The following BCCIP variants were observed in gnomAD, a reference collection of about 807,000 sequenced individuals.
BCCIP encodes the protein BRCA2 and CDKN1A interacting protein.
A neutral mutation model predicts 32.8 loss-of-function variants in BCCIP; 23 were observed. The observed-to-expected ratio is 0.70, with a 90% CI of 0.51 to 0.99. The LOEUF (loss-of-function observed/expected upper bound fraction) is 0.99, where lower values mean the gene tolerates loss of function less well. BCCIP is among the 50% of genes least tolerant of loss of function. The pLI, the probability that BCCIP is intolerant of heterozygous loss-of-function variation, is 0.00. For synonymous variants in BCCIP, 144 were observed against 137.6 expected (o/e 1.05, Z -0.33); for missense variants, 378 against 379.8 (o/e 1.00, Z 0.04).
At chr10:125,844,676 T>TG (rs1943989934), downstream of BCCIP, among the ~76,000 whole-genome samples, 1 of 152,232 alleles carries the variant, frequency 6.6e-6, no homozygotes, top group African/African-American at 2.4e-5. Context: ...AGAGTTTATA[T>TG]GGGGGTTCTT....
At chr10:125,843,989 A>G (rs932838346), downstream of BCCIP, among the ~76,000 whole-genome samples, 1 of 152,216 alleles carries the variant, frequency 6.6e-6, no homozygotes, top group Non-Finnish European at 1.5e-5. Flanking sequence ...AAAACTGAGC[A>G]GAAGCTTATG....
intron 7 of BCCIP, among the ~76,000 whole-genome samples, chr10:125,851,036 C>A (rs944542802): frequency 1.3e-5 from 2 of 152,186 alleles, no homozygotes; most frequent in Non-Finnish European, 2.9e-5. Context: ...AAGAAAAATA[C>A]AACTGATTTT....
At chr10:125,839,127 A>G (rs778851076), downstream of BCCIP, 33 of 1,614,238 alleles carry the variant, frequency 2.0e-5, no homozygotes, top group Non-Finnish European at 2.6e-5. Context: ...CTCGAATAAC[A>G]TCTGCCATTC....
intron 4 of BCCIP, among the ~76,000 whole-genome samples, chr10:125,830,913 T>C (rs1854507517): frequency 6.6e-6 from 1 of 152,252 alleles, no homozygotes; most frequent in Non-Finnish European, 1.5e-5. Flanking sequence ...AGGAGCTGTT[T>C]GTGCTGTCTC....
chr10:125,834,087 G>T, intron 6 of BCCIP, 141 bp downstream of exon 6: 1 of 885,934 alleles, frequency 1.1e-6, no homozygotes, highest in Non-Finnish European at 1.7e-6. Context: ...ACAGGACCTA[G>T]CAGCTAACAT....
chr10:125,829,456 T>C lies in BCCIP; in HGVS notation c.322-1106T>C, dbSNP rs576791501. Among the ~76,000 whole-genome samples, 4 of 152,330 alleles carry C rather than the reference T, an allele frequency of 2.6e-5. No individual in the cohort carries two copies. In the South Asian group the frequency reaches 8.3e-4, roughly 32 times the overall value. Reference sequence around the variant, plus strand: ...AGTACATCACCTTCAGAGCCAAAATTCTTGAAAAGTAATCTTAAGTCATGG... The same window carrying C: ...AGTACATCACCTTCAGAGCCAAAATCCTTGAAAAGTAATCTTAAGTCATGG... On this transcript the variant is annotated intron_variant, in intron 3 of 6. Transcript: ENST00000278100.
intron 7 of BCCIP, chr10:125,853,099 G>T: frequency 6.6e-7 from 1 of 1,507,636 alleles, no homozygotes; most frequent in Non-Finnish European, 9.2e-7. Flanking sequence ...AACTGCGTAT[G>T]GCACTAACAA....
chr10:125,835,585 A>AC (rs1854655593), intron 6 of BCCIP, among the ~76,000 whole-genome samples: 4 of 151,842 alleles, frequency 2.6e-5, no homozygotes, highest in Non-Finnish European at 4.4e-5. Flanking sequence ...TCTCAAAAAA[A>AC]AAAAACAAAC....
Position 125,852,332 on chromosome 10 carries a change from T to C in BCCIP, c.851-793T>C, listed in dbSNP as rs778912686. ...AAGTCACAGTGGCCTAGGCCCGCAA[T>C]GTCTATCCTCTTCATAAAAAGCACC... is the stretch of plus-strand genomic sequence containing the variant. On this transcript the variant is annotated intron_variant, in intron 7 of 7. Coordinates refer to the BCCIP transcript ENST00000368759. 6.2e-7 allele frequency: 1 copy of C among 1,614,204 alleles called. No individual in the cohort carries two copies. The highest frequency in any genetic ancestry group is 1.3e-5 in the African/African-American group (1 of 75,044).
intron 7 of BCCIP, chr10:125,852,724 G>T: frequency 3.2e-6 from 4 of 1,257,630 alleles, no homozygotes; most frequent in East Asian, 2.3e-5. Context: ...AATATGCTGC[G>T]CAGTACTTTA....
In BCCIP at chr10:125,826,672, T is replaced by G. The variant is rs748384801; in HGVS notation, c.240+7T>G. 3.2e-5 allele frequency: 51 copies of G among 1,613,002 alleles called. No homozygotes were observed. The highest frequency in any genetic ancestry group is 4.0e-5 in the Non-Finnish European group (47 of 1,179,570). On this transcript the variant is annotated splice_region_variant and intron_variant, in intron 2 of 6. Transcript: ENST00000278100. The stretch of plus-strand genomic sequence containing the variant: ...TAAGAAATTACTGCAGCAGGTATTG[T>G]CTTTTATTTATTATGCATAAATTTC...
At chr10:125,830,920 T>C (rs1351851994) in intron 4 of BCCIP, among the ~76,000 whole-genome samples, 1 of 152,218 alleles carries the variant, frequency 6.6e-6, no homozygotes, top group Non-Finnish European at 1.5e-5. Context: ...GTTTGTGCTG[T>C]CTCTCTGCAG....
chr10:125,845,514 T>A (rs1010699269), downstream of BCCIP, among the ~76,000 whole-genome samples: 2 of 152,212 alleles, frequency 1.3e-5, no homozygotes, highest in Non-Finnish European at 2.9e-5. Context: ...AAAGTGGACA[T>A]GTATTTTCAC....
In BCCIP at chr10:125,826,627, GATA is replaced by G; in HGVS notation, c.205_207del (p.Asn69del). ...TGAATTTGAAGCTTATTCCCTATCAGATAATGATTATGACGGAATTAAGAAATT... is the reference window on the plus strand; with the variant it reads ...TGAATTTGAAGCTTATTCCCTATCAGATGATTATGACGGAATTAAGAAATT... On this transcript the variant is annotated inframe_deletion, in exon 2 of 7. Transcript: ENST00000278100. 2 of 1,613,398 alleles carry G rather than the reference GATA, an allele frequency of 1.2e-6. No homozygotes were observed. The highest frequency in any genetic ancestry group is 1.7e-6 in the Non-Finnish European group (2 of 1,179,544).
intron 7 of BCCIP, among the ~76,000 whole-genome samples, chr10:125,850,706 C>G (rs113184398): frequency 2.0e-5 from 3 of 152,334 alleles, no homozygotes; most frequent in African/African-American, 7.2e-5. Flanking sequence ...GTTGCCTTAT[C>G]TAACGTGCCA....
At chr10:125,843,787 A>G (rs1334481977), downstream of BCCIP, among the ~76,000 whole-genome samples, 3 of 152,168 alleles carry the variant, frequency 2.0e-5, no homozygotes, top group Admixed American at 1.3e-4. Context: ...AGCACCAGAT[A>G]TAACTTCAGC....
intron 7 of BCCIP, among the ~76,000 whole-genome samples, chr10:125,848,543 A>G (rs1944052739): frequency 6.6e-6 from 1 of 152,192 alleles, no homozygotes; most frequent in Non-Finnish European, 1.5e-5. Context: ...TGAACCTGGC[A>G]CCTGGCATGC....
chr10:125,836,021 C>A, intron 6 of BCCIP, 83 bp from the exon 7 acceptor site: 1 of 1,253,498 alleles, frequency 8.0e-7, no homozygotes, highest in Non-Finnish European at 1.1e-6. Context: ...ATATGCCAAA[C>A]GTAATATTCT....
At chr10:125,852,542 C>T (rs146463146) in intron 7 of BCCIP, 12 of 1,613,300 alleles carry the variant, frequency 7.4e-6, no homozygotes, top group Non-Finnish European at 9.3e-6. Flanking sequence ...CACAGCACTA[C>T]CTGAAGAAGA....
Sources: allele counts gnomAD v4.1 joint callset (sites outside exome capture counted in the v4.1 genomes callset), GRCh38; gene constraint gnomAD v4.1.1; transcripts MANE v1.5; gene names NCBI Gene and HGNC (gene_info 2026-07-23, HGNC 2026-07-21).